Variants in DYTN observed in about 807,000 individuals in gnomAD.
DYTN encodes the protein dystrotelin.
A neutral mutation model predicts 69.6 loss-of-function variants in DYTN; 75 were observed. That is an observed-to-expected ratio of 1.08 (90% CI 0.89 to 1.31). The LOEUF (loss-of-function observed/expected upper bound fraction) is 1.31, where lower values mean the gene tolerates loss of function less well. Ranked by LOEUF, DYTN falls within the 50% of genes most tolerant of loss-of-function variation. The probability of loss-of-function intolerance (pLI) is 0.00; values close to 1 mark genes in which losing one functional copy is unlikely to be tolerated. For missense variants in DYTN, 726 were observed against 688.4 expected, an observed-to-expected ratio of 1.05 and a Z score of -0.61; for synonymous variants, 252 against 249.1, an observed-to-expected ratio of 1.01 and a Z score of -0.11.
chr2:206,701,991 A>G (rs981716022), intron 5 of DYTN, among the ~76,000 whole-genome samples: 31 of 152,358 alleles, frequency 2.0e-4, no homozygotes, highest in Non-Finnish European at 2.5e-4. Flanking sequence ...AGGTCAAAAA[A>G]GCAAGTTAGC....
At position 206,715,149 on chromosome 2, in the gene DYTN, TG is replaced by T. The variant is rs1262654527; in HGVS notation, c.19+3111del. On this transcript the variant is annotated intron_variant, in intron 1 of 11. Transcript: ENST00000452335. Reference sequence around the variant, plus strand: ...AGGTCAGGAATGAGGTAGAAACAGGTGGGAATCAGGGAACAGGCAGGTAGGA... The same window carrying T: ...AGGTCAGGAATGAGGTAGAAACAGGTGGAATCAGGGAACAGGCAGGTAGGA... Among the ~76,000 whole-genome samples the T allele has an allele frequency of 6.6e-5, 10 of 152,072 alleles. No individual in the cohort carries two copies. In the South Asian group the frequency reaches 1.9e-3, roughly 28 times the overall value.
In DYTN at chr2:206,681,588, G is replaced by A. The variant is rs539736931; in HGVS notation, c.980+11587C>T. Reference sequence around the variant, plus strand: ...ATCGAGAGTTTTTTTAACATGAAGGGATGTTGAATTTTATTGAAGGCCTTT... The same window carrying A: ...ATCGAGAGTTTTTTTAACATGAAGGAATGTTGAATTTTATTGAAGGCCTTT... On this transcript the variant is annotated intron_variant, in intron 9 of 11. Coordinates refer to ENST00000452335, the MANE Select transcript of DYTN (RefSeq NM_001093730.1). Among the ~76,000 whole-genome samples, 4 of 152,224 alleles carry A rather than the reference G, an allele frequency of 2.6e-5. No homozygotes were observed. The South Asian group carries it at 8.3e-4, about 32-fold the overall frequency.
At chr2:206,668,362 TTTC>T (rs756006056) in intron 9 of DYTN, among the ~76,000 whole-genome samples, 23 of 152,198 alleles carry the variant, frequency 1.5e-4, no homozygotes, top group South Asian at 2.1e-4. Context: ...ATCCAGTTCT[TTTC>T]TTCTTCTGCT....
rs774478884 is a variant in DYTN, at chr2:206,693,190, T to G, written c.965A>C (p.His322Pro). Residue 322 changes from histidine to proline, a missense_variant, in exon 9 of 12, where the codon CAC becomes CCC. His to Pro is a moderately conservative substitution (Grantham distance 77, BLOSUM62 -2). Coordinates refer to ENST00000452335, the MANE Select transcript of DYTN (RefSeq NM_001093730.1). The part of the protein sequence containing the change: ...LDQVNPKGVP[H>P]HAQARLLKKQ... Reference sequence around the variant, plus strand: ...AGCCACTCACCTGGCCTGCGCATGGTGAGGCACACCCTTTGGATTCACCTG... The same window carrying G: ...AGCCACTCACCTGGCCTGCGCATGGGGAGGCACACCCTTTGGATTCACCTG... 5.0e-6 allele frequency: 8 copies of G among 1,611,764 alleles called. No individual in the cohort carries two copies. The South Asian group carries it at 7.7e-5, about 16-fold the overall frequency.
chr2:206,658,022 C>T (rs767131239), intron 11 of DYTN, among the ~76,000 whole-genome samples: 20 of 152,100 alleles, frequency 1.3e-4, no homozygotes, highest in Non-Finnish European at 2.1e-4. Context: ...GCATCCCATG[C>T]GTCCCTTAAA....
chr2:206,659,484 CAAA>C (rs772861150), intron 11 of DYTN, among the ~76,000 whole-genome samples: 155 of 64,562 alleles, frequency 2.4e-3, no homozygotes, highest in African/African-American at 6.0e-3. Flanking sequence ...CAACAATTCT[CAAA>C]AAAAAAAAAA....
rs1699568212 is a variant in DYTN, at chr2:206,666,067, A to G, written c.981-38T>C. On this transcript the variant is annotated intron_variant, in intron 9 of 11. Coordinates refer to ENST00000452335, the MANE Select transcript of DYTN (RefSeq NM_001093730.1). ...CAGATTTGAGCGGTTTGGAAGGGCA[A>G]GAGGCCAGTACACTAATTAGAGCCC... is the stretch of plus-strand genomic sequence containing the variant. 9 of 1,604,886 alleles carry G rather than the reference A, an allele frequency of 5.6e-6. No individual in the cohort carries two copies. The East Asian group carries it at 6.7e-5, about 12-fold the overall frequency.
chr2:206,701,635 G>C (rs776725464), intron 5 of DYTN, among the ~76,000 whole-genome samples: 4 of 152,176 alleles, frequency 2.6e-5, no homozygotes, highest in Non-Finnish European at 4.4e-5. Context: ...GCTGAGGACA[G>C]GGATAAATGA....
intron 9 of DYTN, among the ~76,000 whole-genome samples, chr2:206,669,638 TA>T (rs1000817338): frequency 2.6e-5 from 4 of 152,208 alleles, no homozygotes; most frequent in Admixed American, 1.3e-4. Context: ...GAAGGTAAGT[TA>T]AAAAAACTAA....
chr2:206,679,342 GTT>G (rs1699725441), intron 9 of DYTN, among the ~76,000 whole-genome samples: 1 of 152,104 alleles, frequency 6.6e-6, no homozygotes, highest in Admixed American at 6.6e-5. Context: ...AGACAATTTT[GTT>G]GACAGAGTCA....
chr2:206,694,903 T>C (rs757384905), intron 7 of DYTN, 26 bp from the exon 8 acceptor site: 3 of 1,452,864 alleles, frequency 2.1e-6, no homozygotes, highest in Non-Finnish European at 2.8e-6. Context: ...GAAGCACAGC[T>C]TACGTCACTA....
intron 9 of DYTN, among the ~76,000 whole-genome samples, chr2:206,667,130 C>T (rs1043321885): frequency 6.6e-6 from 1 of 152,120 alleles, no homozygotes; most frequent in African/African-American, 2.4e-5. Flanking sequence ...TGCTCAGAAC[C>T]CTCCAGGGGC....
intron 7 of DYTN, among the ~76,000 whole-genome samples, chr2:206,696,752 T>G (rs1458337237): frequency 6.6e-6 from 1 of 152,194 alleles, no homozygotes; most frequent in Non-Finnish European, 1.5e-5. Flanking sequence ...TATCCTAGAA[T>G]AGACCACCAC....
At chr2:206,683,206 C>G (rs1275166515) in intron 9 of DYTN, among the ~76,000 whole-genome samples, 1 of 152,122 alleles carries the variant, frequency 6.6e-6, no homozygotes, top group Non-Finnish European at 1.5e-5. Context: ...ACATAGCAAC[C>G]AGACTGAGAG....
chr2:206,685,290 T>G (rs773336176), intron 9 of DYTN, among the ~76,000 whole-genome samples: 2 of 151,882 alleles, frequency 1.3e-5, no homozygotes, highest in Non-Finnish European at 2.9e-5. Context: ...GCCACCTGAA[T>G]AGCGGGAACC....
chr2:206,675,624 G>GAT (rs1457149903), intron 9 of DYTN, among the ~76,000 whole-genome samples: 1 of 151,958 alleles, frequency 6.6e-6, no homozygotes, highest in Non-Finnish European at 1.5e-5. Flanking sequence ...ATATCACAAA[G>GAT]ATAAAAGATG....
intron 9 of DYTN, among the ~76,000 whole-genome samples, chr2:206,678,562 G>A (rs1574593073): frequency 6.6e-6 from 1 of 152,120 alleles, no homozygotes; most frequent in South Asian, 2.1e-4. Flanking sequence ...CAACAACGGT[G>A]GAGTTAAATC....
chr2:206,658,727 G>T (rs749042578), intron 11 of DYTN, among the ~76,000 whole-genome samples: 2 of 152,232 alleles, frequency 1.3e-5, no homozygotes, highest in South Asian at 2.1e-4. Context: ...TGTTTGCTTT[G>T]CATTGAGCCT....
At chr2:206,695,636 T>A (rs1316294062) in intron 7 of DYTN, among the ~76,000 whole-genome samples, 1 of 152,198 alleles carries the variant, frequency 6.6e-6, no homozygotes, top group Non-Finnish European at 1.5e-5. Flanking sequence ...GGGGAGCTAG[T>A]AAGACCTAGC....
Sources: allele counts gnomAD v4.1 joint callset (sites outside exome capture counted in the v4.1 genomes callset), GRCh38; gene constraint gnomAD v4.1.1; transcripts MANE v1.5; gene names NCBI Gene and HGNC (gene_info 2026-07-23, HGNC 2026-07-21).